DLG4: variants seen among roughly 807,000 people sequenced by gnomAD.
The protein encoded by DLG4 is disks large homolog 4.
A neutral mutation model predicts 93.8 loss-of-function variants in DLG4; 7 were observed. The ratio of observed to expected loss-of-function variants is 0.07; its 90% CI spans 0.04 to 0.14. The LOEUF is 0.14. Ranked by LOEUF, DLG4 falls within the 10% of genes least tolerant of loss-of-function variation. The probability of loss-of-function intolerance (pLI) is 1.00; values close to 1 mark genes in which losing one functional copy is unlikely to be tolerated. For synonymous variants in DLG4, 341 were observed against 387.6 expected (o/e 0.88, Z 1.41); for missense variants, 545 against 992.9 (o/e 0.55, Z 6.06).
At position 7,196,387 on chromosome 17, in the gene DLG4, C is replaced by T; in HGVS notation, c.1187-53G>A. The T allele has an allele frequency of 6.2e-7, 1 of 1,608,894 alleles. No individual in the cohort carries two copies. Among genetic ancestry groups the T allele is most frequent in the Non-Finnish European group, 8.5e-7 (1 of 1,175,344 alleles). On this transcript the variant is annotated intron_variant, in intron 10 of 19. Transcript: ENST00000399506. This position sits in a 1 kb window ranked among gnomAD's most constrained non-coding sequence, Gnocchi z 8.3. ...CTCTGTCCCCATCCTACTGTCACCCCTGTCCTCCCCTACTGAAGCCATCAG... is the reference window on the plus strand; with the variant it reads ...CTCTGTCCCCATCCTACTGTCACCCTTGTCCTCCCCTACTGAAGCCATCAG...
chr17:7,189,359 GTAA>G lies in DLG4; in HGVS notation c.*1346_*1348del, dbSNP rs2069380471. On this transcript the variant is annotated 3_prime_UTR_variant, in exon 20 of 20. Coordinates refer to ENST00000399506, the MANE Select transcript of DLG4 (RefSeq NM_001321075.3). Reference sequence around the variant, plus strand: ...ACAAAATTAGCCAGGCATGGTGGCAGTAATCTGTAATCCCAGCTACTCAGGGGG... The same window carrying G: ...ACAAAATTAGCCAGGCATGGTGGCAGTCTGTAATCCCAGCTACTCAGGGGG... 6.6e-6 allele frequency among the ~76,000 whole-genome samples: 1 copy of G among 151,596 alleles called. No individual in the cohort carries two copies. Among genetic ancestry groups the G allele is most frequent in the Non-Finnish European group, 1.5e-5 (1 of 67,930 alleles).
rs2069510711 is a variant in DLG4 at position 7,191,747 on chromosome 17, A to G, written c.1976+146T>C. 5.0e-6 allele frequency: 3 copies of G among 604,122 alleles called. No individual in the cohort carries two copies. In the East Asian group the frequency reaches 8.3e-5, roughly 17 times the overall value. 37.4% of individuals were successfully genotyped at this position (604,122 alleles called of 1,614,324 possible). On this transcript the variant is annotated intron_variant, in intron 18 of 19. Coordinates refer to ENST00000399506, the MANE Select transcript of DLG4 (RefSeq NM_001321075.3). The surrounding 1 kb of genome is among the most constrained non-coding windows in gnomAD (Gnocchi z 6.6). ...GAGGGGAAAGACCCGATTCCCCCAC[A>G]TCCTCTGGGTTCCAGGGATCCCCCT...
rs1243537365 is a variant in DLG4, at chr17:7,203,335, T to C, written c.506-6A>G. 1 of 1,598,062 alleles carries C rather than the reference T, an allele frequency of 6.3e-7. No individual in the cohort carries two copies. Among genetic ancestry groups the C allele is most frequent in the South Asian group, 1.1e-5 (1 of 90,292 alleles). ...TGCGATGCTGAAGCCAAGACCTGGA[T>C]GGAGGGGAGGCCAGAGGTGGGTGCC... On this transcript the variant is annotated splice_polypyrimidine_tract_variant and splice_region_variant and intron_variant, in intron 6 of 19. Transcript: ENST00000399506. The surrounding 1 kb of genome is among the most constrained non-coding windows in gnomAD (Gnocchi z 7.2).
upstream of DLG4, chr17:7,218,610 G>C: frequency 6.4e-7 from 1 of 1,565,722 alleles, no homozygotes; most frequent in Non-Finnish European, 8.7e-7. Context: ...AGCAGTGGGG[G>C]TGCCAGGAGC....
At position 7,217,449 on chromosome 17, in the gene DLG4, G is replaced by A; in HGVS notation, c.-302C>T. The stretch of plus-strand genomic sequence containing the variant: ...GGGGCTGGCAGCCCCGGAGTTCGGG[G>A]GCTGGGGCATGAGCTGGGGTGGGGG... On this transcript the variant is annotated 5_prime_UTR_variant, in exon 1 of 20. Coordinates refer to ENST00000399506, the MANE Select transcript of DLG4 (RefSeq NM_001321075.3). 1 of 439,818 alleles carries A rather than the reference G, an allele frequency of 2.3e-6. No individual in the cohort carries two copies. Among genetic ancestry groups the A allele is most frequent in the South Asian group, 2.9e-5 (1 of 33,918 alleles). 27.2% of individuals were successfully genotyped at this position (439,818 alleles called of 1,614,324 possible).
rs1391356580 is a variant in DLG4 at position 7,189,341 on chromosome 17, T to G, written c.*1367A>C. 6.6e-6 allele frequency among the ~76,000 whole-genome samples: 1 copy of G among 150,952 alleles called. No homozygotes were observed. The highest frequency in any genetic ancestry group is 1.5e-5 in the Non-Finnish European group (1 of 67,746). On this transcript the variant is annotated 3_prime_UTR_variant, in exon 20 of 20. Transcript: ENST00000399506. ...CCCATCTCTACTAAAAATACAAAAT[T>G]AGCCAGGCATGGTGGCAGTAATCTG...
Position 7,189,127 on chromosome 17 carries a change from A to AAAG in DLG4, c.*1580_*1581insCTT, listed in dbSNP as rs2069372242. On this transcript the variant is annotated 3_prime_UTR_variant, in exon 20 of 20. Transcript: ENST00000399506. ...ACTCTGTCTCAAAAAAAAAAAAAAA[A>AAAG]GGGTGGGGGGGGCGCATAAAGAAAC... Among the ~76,000 whole-genome samples, 1 of 132,862 alleles carries AAAG rather than the reference A, an allele frequency of 7.5e-6. No individual in the cohort carries two copies. The highest frequency in any genetic ancestry group is 3.0e-5 in the African/African-American group (1 of 33,100). 87.2% of individuals were successfully genotyped at this position (132,862 alleles called of 152,430 possible). A position where few individuals can be genotyped will look rare whatever the true frequency, so the allele number is the denominator to read the frequency against.
rs2070962883 is a variant in DLG4, at chr17:7,217,263, G to T, written c.-116C>A. ...TCCGCACCCCACTTTTGCAGGGGGG[G>T]CCAGGATGGGGGGAGGGGTGAGAGG... On this transcript the variant is annotated 5_prime_UTR_variant, in exon 1 of 20. Coordinates refer to ENST00000399506, the MANE Select transcript of DLG4 (RefSeq NM_001321075.3). 12 of 1,220,896 alleles carry T rather than the reference G, an allele frequency of 9.8e-6. No individual in the cohort carries two copies. Among genetic ancestry groups the T allele is most frequent in the African/African-American group, 1.6e-5 (1 of 62,866 alleles). The allele number at this position is 1,220,896 out of a possible 1,614,324, so 75.6% of individuals were successfully genotyped here.
chr17:7,218,307 C>A, upstream of DLG4: 4 of 1,600,624 alleles, frequency 2.5e-6, no homozygotes, highest in Admixed American at 1.7e-5. Context: ...AACTGAGTTA[C>A]CTCCCCACCC....
At chr17:7,210,858 TTCA>T in intron 1 of DLG4, among the ~76,000 whole-genome samples, 1 of 152,108 alleles carries the variant, frequency 6.6e-6, no homozygotes, top group South Asian at 2.1e-4. Flanking sequence ...GGAGGGCCAT[TTCA>T]TCATTTATTC....
chr17:7,194,242 T>G lies in DLG4; in HGVS notation c.1478+77A>C, dbSNP rs2069652469. 1 of 1,519,066 alleles carries G rather than the reference T, an allele frequency of 6.6e-7. No individual in the cohort carries two copies. Among genetic ancestry groups the G allele is most frequent in the South Asian group, 1.3e-5 (1 of 78,750 alleles). 94.1% of individuals were successfully genotyped at this position (1,519,066 alleles called of 1,614,324 possible). On this transcript the variant is annotated intron_variant, in intron 12 of 19. Transcript: ENST00000399506. The surrounding 1 kb of genome is among the most constrained non-coding windows in gnomAD (Gnocchi z 4.4). ...GAGTTCAGAGGGCAAACCCATCCCC[T>G]GTTGGCTGCCCACCCCGGGGGACCT...
rs532584758 is a variant in DLG4 at position 7,215,916 on chromosome 17, C to T, written c.30+1202G>A. ...CACCCCCCAGCCCCCAGCTGCCTGCCACCCGCCCAAGCCTCCCTCCACACA... is the reference window on the plus strand; with the variant it reads ...CACCCCCCAGCCCCCAGCTGCCTGCTACCCGCCCAAGCCTCCCTCCACACA... On this transcript the variant is annotated intron_variant, in intron 1 of 19. Transcript: ENST00000399506. Among the ~76,000 whole-genome samples the T allele has an allele frequency of 4.2e-5, 6 of 142,838 alleles. No individual in the cohort carries two copies. The East Asian group carries it at 1.3e-3, about 31-fold the overall frequency. The allele number at this position is 142,838 out of a possible 152,430, so 93.7% of individuals were successfully genotyped here.
At chr17:7,198,847 CAAAA>C (rs34843480) in intron 8 of DLG4, among the ~76,000 whole-genome samples, 2 of 90,398 alleles carry the variant, frequency 2.2e-5, no homozygotes, top group African/African-American at 4.0e-5. Flanking sequence ...GACTCCATCT[CAAAA>C]AAAAAAAAAA....
upstream of DLG4, chr17:7,219,720 C>T: frequency 1.4e-6 from 2 of 1,416,034 alleles, no homozygotes; most frequent in East Asian, 2.6e-5. Flanking sequence ...CCCATCACCC[C>T]GTCGGAGGAC....
Position 7,194,423 on chromosome 17 carries a change from A to T in DLG4, c.1374T>A (p.Asp458Glu). Residue 458 changes from aspartate to glutamate, a missense_variant, in exon 12 of 20, where the codon GAT (aspartate) becomes GAA (glutamate). Around this residue, in one of 5 missense-constraint regions of DLG4, gnomAD observed 428 missense variants for 741.4 expected, o/e 0.58. Transcript: ENST00000399506. The surrounding 1 kb of genome is among the most constrained non-coding windows in gnomAD (Gnocchi z 4.4). ...CACTAGCATCGATGACATGCAGCAC[A>T]TCCCCAAAGCGGAAGCTCAGGGCCT... Reference protein sequence around the residue: ...LSQALSFRFGDVLHVIDASDE... With the variant: ...LSQALSFRFGEVLHVIDASDE... 1.2e-6 allele frequency: 2 copies of T among 1,612,686 alleles called. No homozygotes were observed. Among genetic ancestry groups the T allele is most frequent in the South Asian group, 2.2e-5 (2 of 90,660 alleles).
chr17:7,218,506 G>T, upstream of DLG4: 1 of 1,541,056 alleles, frequency 6.5e-7, no homozygotes, highest in Non-Finnish European at 8.8e-7. Flanking sequence ...AATGGCCCTT[G>T]GAGGCCCAGG....
chr17:7,197,111 C>T, intron 8 of DLG4, 59 bp from the exon 9 acceptor site: 4 of 1,499,458 alleles, frequency 2.7e-6, no homozygotes, highest in Middle Eastern at 1.8e-4. Flanking sequence ...CGCCACCCAA[C>T]CTTCTCCCCA....
intron 2 of DLG4, chr17:7,205,102 T>C (rs2070388698): frequency 1.7e-5 from 17 of 985,426 alleles, no homozygotes; most frequent in Non-Finnish European, 2.0e-5. Flanking sequence ...CTGAAGAGGT[T>C]TGTGGGCGCA....
At chr17:7,218,806 C>G (rs376562452), upstream of DLG4, 1 of 1,613,700 alleles carries the variant, frequency 6.2e-7, no homozygotes, top group Middle Eastern at 1.6e-4. Context: ...CAGACCTCCC[C>G]TCCACAAGGA....
Sources: gnomAD v4.1 joint callset for allele counts (sites outside exome capture counted in the v4.1 genomes callset) on GRCh38, gnomAD v4.1.1 for gene constraint, gnomAD v4.1.1 regional missense constraint, Gnocchi (gnomAD v3.1) non-coding constraint, MANE v1.5 for transcripts, NCBI Gene and HGNC (gene_info 2026-07-23, HGNC 2026-07-21) for gene names.